PICALM: variants seen among roughly 807,000 people sequenced by gnomAD.
The protein encoded by PICALM is phosphatidylinositol-binding clathrin assembly protein.
In PICALM, 40 loss-of-function variants were observed where a neutral mutation model predicts 80.5. The ratio of observed to expected loss-of-function variants is 0.50; its 90% confidence interval spans 0.39 to 0.65. The LOEUF (loss-of-function observed/expected upper bound fraction) is 0.65, where lower values mean the gene tolerates loss of function less well. Among genes scored for constraint, PICALM ranks in the 30% least tolerant of loss-of-function variants. PICALM has a pLI of 0.00. For missense variants in PICALM, 676 were observed against 778.9 expected (o/e 0.87, Z 1.57); for synonymous variants, 288 against 260.3 (o/e 1.11, Z -1.02).
In PICALM at chr11:85,996,845, C is replaced by T; in HGVS notation, c.1239G>A (p.Gln413=). The T allele has an allele frequency of 6.2e-7, 1 of 1,605,342 alleles. No homozygotes were observed. The highest frequency in any genetic ancestry group is 2.2e-5 in the East Asian group (1 of 44,686). The change falls in exon 12 of 20, where the codon CAG becomes CAA. Residue 413 remains glutamine (Q), a synonymous_variant. Transcript: ENST00000393346. ...GCTTACCTCCCCATGTACTTGCTAC[C>T]TGAGAAGCAGTTGACATAGGATGTA... ...PSVHPMSTAS[Q]VASTWGDPFS...
Position 86,033,401 on chromosome 11 carries a change from C to T in PICALM, c.131-1790G>A, listed in dbSNP as rs80084419. 2.3e-3 allele frequency among the ~76,000 whole-genome samples: 350 copies of T among 152,238 alleles called. 1 individual carries two copies. Among genetic ancestry groups the T allele is most frequent in the African/African-American group, 8.3e-3 (343 of 41,522 alleles). ...CACTGCATCACTGCCATCTTCTTTG[C>T]AATGCCTCCCATATGCCAAGCACTC... On this transcript the variant is annotated intron_variant, in intron 1 of 19. Coordinates refer to ENST00000393346, the MANE Select transcript of PICALM (RefSeq NM_007166.4).
At chr11:85,982,674 G>T (rs960262855) in intron 14 of PICALM, among the ~76,000 whole-genome samples, 1 of 150,272 alleles carries the variant, frequency 6.7e-6, no homozygotes, top group African/African-American at 2.5e-5. Flanking sequence ...TGATCCACCC[G>T]CCTCGGCCTC....
intron 16 of PICALM, 72 bp from the exon 17 acceptor site, chr11:85,981,300 G>T: frequency 1.1e-6 from 1 of 871,562 alleles, no homozygotes; most frequent in South Asian, 1.4e-5. Context: ...TACTTATATA[G>T]AACAGAGTAA....
At chr11:86,023,678 T>TG (rs755622536) in intron 3 of PICALM, 23 of 463,438 alleles carry the variant, frequency 5.0e-5, no homozygotes, top group Admixed American at 6.4e-5. Context: ...CCTAGAGCAC[T>TG]GCTCTGCATC....
chr11:85,969,897 T>C (rs938362172), intron 19 of PICALM, among the ~76,000 whole-genome samples: 2 of 152,192 alleles, frequency 1.3e-5, no homozygotes, highest in Non-Finnish European at 2.9e-5. Flanking sequence ...AGGTGAGCCG[T>C]CTAATGTTTT....
At chr11:85,975,731 GAA>G (rs1565247166) in intron 18 of PICALM, among the ~76,000 whole-genome samples, 1 of 151,496 alleles carries the variant, frequency 6.6e-6, no homozygotes, top group African/African-American at 2.4e-5. Flanking sequence ...CAAGTAGCTG[GAA>G]TTACAGGTGT....
At chr11:85,965,829 T>G (rs1259815477) in intron 19 of PICALM, among the ~76,000 whole-genome samples, 9 of 146,340 alleles carry the variant, frequency 6.2e-5, no homozygotes, top group Admixed American at 2.0e-4. Context: ...TTTTTTTTTT[T>G]TTTTTTTTTG....
intron 1 of PICALM, among the ~76,000 whole-genome samples, chr11:86,066,415 G>A (rs913436009): frequency 6.6e-6 from 1 of 152,038 alleles, no homozygotes; most frequent in Non-Finnish European, 1.5e-5. Context: ...CAAAAACGTG[G>A]GAGCTTGTAA....
chr11:86,010,959 G>C (rs1009062847), intron 7 of PICALM, 71 bp downstream of exon 7: 2 of 701,952 alleles, frequency 2.8e-6, no homozygotes, highest in Non-Finnish European at 5.1e-6. Flanking sequence ...TGGATAGTGA[G>C]TGATGACTTC....
chr11:85,978,265 A>G, intron 17 of PICALM: 2 of 551,972 alleles, frequency 3.6e-6, no homozygotes, highest in East Asian at 3.0e-5. Flanking sequence ...CTAAAACACT[A>G]TCAAGGTTGA....
At chr11:85,980,281 T>G (rs2094403066) in intron 17 of PICALM, among the ~76,000 whole-genome samples, 1 of 152,166 alleles carries the variant, frequency 6.6e-6, no homozygotes, top group Non-Finnish European at 1.5e-5. Flanking sequence ...TGCAAGAAAC[T>G]CTGACTCTGG....
intron 4 of PICALM, among the ~76,000 whole-genome samples, chr11:86,018,408 G>A (rs1316931223): frequency 6.6e-6 from 1 of 152,056 alleles, no homozygotes; most frequent in East Asian, 1.9e-4. Flanking sequence ...ATAATTTGGT[G>A]TTTTGTATTA....
At chr11:86,004,715 T>C (rs995272731) in intron 8 of PICALM, among the ~76,000 whole-genome samples, 1 of 152,168 alleles carries the variant, frequency 6.6e-6, no homozygotes, top group African/African-American at 2.4e-5. Flanking sequence ...ATACAGGATC[T>C]AAAAATAGTT....
intron 4 of PICALM, among the ~76,000 whole-genome samples, chr11:86,016,398 G>A (rs1734490490): frequency 6.6e-6 from 1 of 152,010 alleles, no homozygotes; most frequent in African/African-American, 2.4e-5. Context: ...ATATCCCTGT[G>A]GTAAAAACTA....
chr11:85,984,161 CCTA>C lies in PICALM; in HGVS notation c.1409-191_1409-189del, dbSNP rs200475532. Among the ~76,000 whole-genome samples the C allele has an allele frequency of 5.9e-3, 901 of 152,234 alleles. 31 individuals are homozygous for C. The highest frequency in any genetic ancestry group is 1.9e-3 in the East Asian group (10 of 5,182). On this transcript the variant is annotated intron_variant, in intron 13 of 19. Transcript: ENST00000393346. ...ATTGCGTTTTCCCTAACAAAATCAT[CCTA>C]CTGACAAAATTAACAAATGAGCAAC...
chr11:86,068,598 C>G, intron 1 of PICALM, 53 bp downstream of exon 1: 1 of 1,554,724 alleles, frequency 6.4e-7, no homozygotes, highest in Non-Finnish European at 8.7e-7. Flanking sequence ...GAGAAGGACG[C>G]GCGCGGGTCG....
At chr11:86,011,196 A>G (rs945347567) in intron 6 of PICALM, 60 bp from the exon 7 acceptor site, 45 of 625,770 alleles carry the variant, frequency 7.2e-5, no homozygotes, top group Non-Finnish European at 9.6e-5. Context: ...CCAAAAAAGG[A>G]AAAAAAAAGT....
intron 14 of PICALM, among the ~76,000 whole-genome samples, chr11:85,982,679 G>A (rs1351438390): frequency 2.7e-5 from 4 of 148,926 alleles, no homozygotes; most frequent in Admixed American, 6.7e-5. Context: ...CACCCGCCTC[G>A]GCCTCCCAAA....
chr11:85,974,843 G>T, intron 18 of PICALM, 31 bp from the exon 19 acceptor site: 1 of 1,361,602 alleles, frequency 7.3e-7, no homozygotes, highest in Non-Finnish European at 1.1e-6. Flanking sequence ...AAAAGATACT[G>T]ACTCCTATCT....
Sources: gnomAD v4.1 joint callset for allele counts (sites outside exome capture counted in the v4.1 genomes callset) on GRCh38, gnomAD v4.1.1 for gene constraint, MANE v1.5 for transcripts, NCBI Gene and HGNC (gene_info 2026-07-23, HGNC 2026-07-21) for gene names.